Variants in PRDM14 observed in about 807,000 individuals in gnomAD.
PRDM14 encodes PR/SET domain 14, also known as PR domain zinc finger protein 14.
PRDM14 carries 16 observed loss-of-function variants against 48.0 expected under a neutral mutation model. The observed-to-expected ratio is 0.33, with a 90% CI of 0.23 to 0.51. The LOEUF (loss-of-function observed/expected upper bound fraction) is 0.51. Ranked by LOEUF, PRDM14 falls within the 20% of genes least tolerant of loss-of-function variation. The probability of loss-of-function intolerance (pLI) is 0.97; values close to 1 mark genes in which losing one functional copy is unlikely to be tolerated. For synonymous variants in PRDM14, 264 were observed against 276.6 expected (o/e 0.95, Z 0.45); for missense variants, 566 against 719.6 (o/e 0.79, Z 2.44).
In PRDM14 at chr8:70,051,946, A is replaced by AT. The variant is rs1805392297; in HGVS notation, c.*130dup. 1.6e-6 allele frequency: 1 copy of AT among 622,982 alleles called. No individual in the cohort carries two copies. The highest frequency in any genetic ancestry group is 2.7e-6 in the Non-Finnish European group (1 of 367,004). 38.6% of individuals were successfully genotyped at this position (622,982 alleles called of 1,614,324 possible). On this transcript the variant is annotated 3_prime_UTR_variant, in exon 8 of 8. Transcript: ENST00000276594. ...GCCACCACCCCCAGCTGATTTTTGT[A>AT]TTTTTTTGGTAGAGACAGGATTTCA...
At chr8:70,058,121 T>A (rs931366760) in intron 6 of PRDM14, among the ~76,000 whole-genome samples, 3 of 152,180 alleles carry the variant, frequency 2.0e-5, no homozygotes, top group Non-Finnish European at 4.4e-5. Flanking sequence ...TGATTTTCTG[T>A]CTTACAAAAT....
At chr8:70,057,393 A>T (rs1330753721) in intron 6 of PRDM14, among the ~76,000 whole-genome samples, 4 of 148,854 alleles carry the variant, frequency 2.7e-5, no homozygotes, top group Non-Finnish European at 5.9e-5. Context: ...GCAATGACAC[A>T]GTCTCGGCTC....
chr8:70,070,937 G>A (rs554244605), intron 1 of PRDM14, among the ~76,000 whole-genome samples: 2 of 152,176 alleles, frequency 1.3e-5, no homozygotes, highest in East Asian at 1.9e-4. Flanking sequence ...GGTCAGCCAC[G>A]ACACAGGCAG....
chr8:70,069,726 G>A lies in PRDM14; in HGVS notation c.135C>T (p.Thr45=), dbSNP rs185384741. 6 of 1,590,892 alleles carry A rather than the reference G, an allele frequency of 3.8e-6. No individual in the cohort carries two copies. Among genetic ancestry groups the A allele is most frequent in the Non-Finnish European group, 5.1e-6 (6 of 1,168,598 alleles). ...GGAAAGGTTGGAAGTCTTCCTCCAC[G>A]GTGGCCAGGCTGTTTCTGTAGTGTC... is the stretch of plus-strand genomic sequence containing the variant. ...SYGHYRNSLA[T]VEEDFQPFRQ... The change falls in exon 2 of 8, where the codon ACC becomes ACT. Residue 45 remains threonine, a synonymous_variant. Transcript: ENST00000276594.
chr8:70,063,334 T>C (rs916899405), intron 5 of PRDM14, among the ~76,000 whole-genome samples: 4 of 151,858 alleles, frequency 2.6e-5, no homozygotes, highest in South Asian at 2.1e-4. Context: ...CTCGGGAGGC[T>C]GAGGCAGGAG....
chr8:70,059,652 T>C (rs1192440728), intron 5 of PRDM14, among the ~76,000 whole-genome samples: 1 of 152,206 alleles, frequency 6.6e-6, no homozygotes, highest in East Asian at 1.9e-4. Flanking sequence ...TAAACCCTCA[T>C]GTGCCAAACA....
chr8:70,056,989 G>A (rs1456012015), intron 6 of PRDM14, among the ~76,000 whole-genome samples: 8 of 147,264 alleles, frequency 5.4e-5, no homozygotes, highest in Admixed American at 6.8e-5. Flanking sequence ...TTTTTGAGAC[G>A]GAGTCTCGCT....
chr8:70,051,960 G>A lies in PRDM14; in HGVS notation c.*117C>T. 1 of 684,010 alleles carries A rather than the reference G, an allele frequency of 1.5e-6. No individual in the cohort carries two copies. Among genetic ancestry groups the A allele is most frequent in the South Asian group, 2.1e-5 (1 of 48,536 alleles). The allele number at this position is 684,010 out of a possible 1,614,324, so 42.4% of individuals were successfully genotyped here. A position where few individuals can be genotyped will look rare whatever the true frequency, so the allele number is the denominator to read the frequency against. On this transcript the variant is annotated 3_prime_UTR_variant, in exon 8 of 8. Transcript: ENST00000276594. Reference sequence around the variant, plus strand: ...CTGATTTTTGTATTTTTTTGGTAGAGACAGGATTTCACCATGTTGCCCAGG... The same window carrying A: ...CTGATTTTTGTATTTTTTTGGTAGAAACAGGATTTCACCATGTTGCCCAGG...
At chr8:70,070,493 C>T (rs1006845336) in intron 1 of PRDM14, among the ~76,000 whole-genome samples, 13 of 152,040 alleles carry the variant, frequency 8.6e-5, no homozygotes, top group African/African-American at 3.1e-4. Flanking sequence ...ACCCCGCGAC[C>T]TGCTCTGGCC....
chr8:70,052,124 CT>C lies in PRDM14; in HGVS notation c.1668del (p.Asp557IlefsTer9). 1 of 1,612,570 alleles carries C rather than the reference CT, an allele frequency of 6.2e-7. No individual in the cohort carries two copies. Among genetic ancestry groups the C allele is most frequent in the Non-Finnish European group, 8.5e-7 (1 of 1,179,722 alleles). ...CSCSICGKIF[S>X]DQETFYSHMK... is the part of the protein sequence containing the mutation. The stretch of plus-strand genomic sequence containing the variant: ...ATGTGGGAGTAGAATGTTTCTTGAT[CT>C]GAGAAGATTTTCCCACAGATGCTGC... On this transcript the variant is annotated frameshift_variant, in exon 8 of 8. Transcript: ENST00000276594. LOFTEE classifies it low-confidence loss of function (END_TRUNC).
chr8:70,060,192 G>A (rs1266663258), intron 5 of PRDM14, among the ~76,000 whole-genome samples: 1 of 151,766 alleles, frequency 6.6e-6, no homozygotes, highest in Non-Finnish European at 1.5e-5. Flanking sequence ...CTTGAGCCCA[G>A]GAGTTTGAGA....
rs565246420 is a variant in PRDM14 at position 70,052,646 on chromosome 8, C to T, written c.1489-342G>A. Among the ~76,000 whole-genome samples the T allele has an allele frequency of 3.3e-5, 5 of 152,116 alleles. No homozygotes were observed. In the South Asian group the frequency reaches 8.3e-4, roughly 25 times the overall value. On this transcript the variant is annotated intron_variant, in intron 7 of 7. Coordinates refer to ENST00000276594, the MANE Select transcript of PRDM14 (RefSeq NM_024504.4). Reference sequence around the variant, plus strand: ...TTGGGAGGCCAAGGCAGGTGGATCACCTGAGGTCAGGAGTTCGAGACCAGC... The same window carrying T: ...TTGGGAGGCCAAGGCAGGTGGATCATCTGAGGTCAGGAGTTCGAGACCAGC...
At position 70,052,324 on chromosome 8, in the gene PRDM14, A is replaced by G; in HGVS notation, c.1489-20T>C. 6.4e-7 allele frequency: 1 copy of G among 1,566,968 alleles called. No homozygotes were observed. The highest frequency in any genetic ancestry group is 8.7e-7 in the Non-Finnish European group (1 of 1,148,568). ...GAACCTCTGCAGAGAACAGAAATAC[A>G]GAACACAAGAAAAAGTCAACTTCCA... is the stretch of plus-strand genomic sequence containing the variant. On this transcript the variant is annotated intron_variant, in intron 7 of 7. Transcript: ENST00000276594.
rs774392514 is a variant in PRDM14 at position 70,058,693 on chromosome 8, C to T, written c.1333G>A (p.Asp445Asn). 6.2e-7 allele frequency: 1 copy of T among 1,614,128 alleles called. No homozygotes were observed. Among genetic ancestry groups the T allele is most frequent in the South Asian group, 1.1e-5 (1 of 91,068 alleles). Residue 445 changes from aspartate (D) to asparagine (N), a missense_variant, in exon 6 of 8, where the codon GAC (aspartate) becomes AAC (asparagine). Coordinates refer to ENST00000276594, the MANE Select transcript of PRDM14 (RefSeq NM_024504.4). ...TGAAGAATGTGGATCCGAAGCCGGT[C>T]CCGCTTCTCAAAGGATCGTTTGCAG... ...SLCKRSFEKR[D>N]RLRIHILHVH...
intron 4 of PRDM14, among the ~76,000 whole-genome samples, chr8:70,067,781 TC>T (rs1223100171): frequency 6.6e-6 from 1 of 152,084 alleles, no homozygotes; most frequent in Non-Finnish European, 1.5e-5. Context: ...CACTAGCATA[TC>T]CCTAATATAT....
chr8:70,064,825 ATT>A (rs148699883), intron 5 of PRDM14, among the ~76,000 whole-genome samples: 18,653 of 145,600 alleles, frequency 0.13, 1,453 homozygotes, highest in East Asian at 0.27. Context: ...CGCCTGGGCC[ATT>A]TTTTTTTTAA....
intron 6 of PRDM14, among the ~76,000 whole-genome samples, 196 bp downstream of exon 6, chr8:70,058,444 G>A (rs1805517778): frequency 6.6e-6 from 1 of 152,194 alleles, no homozygotes; most frequent in African/African-American, 2.4e-5. Context: ...GTGGGTACCT[G>A]CATCCTAACA....
Position 70,068,236 on chromosome 8 carries a change from C to T in PRDM14, c.906G>A (p.Met302Ile), listed in dbSNP as rs1805703613. The change falls in exon 4 of 8, where the codon ATG becomes ATA. Residue 302 changes from methionine to isoleucine, a missense_variant. By Grantham distance (10) the Met-to-Ile change is conservative. This residue lies in a region of PRDM14 where 410 missense variants were observed against 424.6 expected (regional missense o/e 0.97). Coordinates refer to ENST00000276594, the MANE Select transcript of PRDM14 (RefSeq NM_024504.4). Reference sequence around the variant, plus strand: ...CCACCAGAAACAGATTTACCTCCCACATCACAGAATTGTCTCCGTAGGTCT... The same window carrying T: ...CCACCAGAAACAGATTTACCTCCCATATCACAGAATTGTCTCCGTAGGTCT... ...EVKTYGDNSVMWEIFEDGHLS... is the reference protein window; with the variant it reads ...EVKTYGDNSVIWEIFEDGHLS... The T allele has an allele frequency of 5.6e-6, 9 of 1,614,094 alleles. No individual in the cohort carries two copies. The highest frequency in any genetic ancestry group is 7.6e-6 in the Non-Finnish European group (9 of 1,180,028).
intron 4 of PRDM14, among the ~76,000 whole-genome samples, chr8:70,067,219 C>T (rs1010513151): frequency 2.0e-5 from 3 of 152,094 alleles, no homozygotes; most frequent in African/African-American, 4.8e-5. Flanking sequence ...ATTAATGGAG[C>T]TATAGATTAT....
Sources: allele counts gnomAD v4.1 joint callset (sites outside exome capture counted in the v4.1 genomes callset), GRCh38; gene constraint gnomAD v4.1.1; regional missense constraint gnomAD v4.1.1; transcripts MANE v1.5; gene names NCBI Gene and HGNC (gene_info 2026-07-23, HGNC 2026-07-21).